EPRS1: variants seen among roughly 807,000 people sequenced by gnomAD.
EPRS1 encodes bifunctional glutamate/proline--tRNA ligase.
In EPRS1, 107 loss-of-function variants were observed where a neutral mutation model predicts 188.3. The observed-to-expected ratio is 0.57, with a 90% CI of 0.49 to 0.67. The LOEUF is 0.67. Ranked by LOEUF, EPRS1 falls within the 30% of genes least tolerant of loss-of-function variation. EPRS1 has a pLI of 0.00. For synonymous variants in EPRS1, 596 were observed against 593.1 expected, an observed-to-expected ratio of 1.00 and a Z score of -0.07; for missense variants, 1,577 against 1,802.2, an observed-to-expected ratio of 0.88 and a Z score of 2.26.
intron 28 of EPRS1, among the ~76,000 whole-genome samples, chr1:219,975,099 A>G (rs554656961): frequency 2.0e-5 from 3 of 152,332 alleles, no homozygotes; most frequent in African/African-American, 7.2e-5. Context: ...AAGAAAACTA[A>G]AAGGCATGAT....
chr1:219,979,996 T>A (rs868611544), intron 26 of EPRS1, 89 bp downstream of exon 26: 2 of 1,028,092 alleles, frequency 1.9e-6, no homozygotes, highest in East Asian at 4.9e-5. Flanking sequence ...TTTTTAAGAG[T>A]CTACTTCTGT....
intron 16 of EPRS1, among the ~76,000 whole-genome samples, chr1:220,002,460 G>A (rs1487586771): frequency 6.6e-6 from 1 of 152,132 alleles, no homozygotes; most frequent in Non-Finnish European, 1.5e-5. Context: ...ACTAGAAAGG[G>A]CGTTAGTGAA....
At chr1:220,025,826 G>A (rs558735708) in intron 6 of EPRS1, among the ~76,000 whole-genome samples, 5 of 147,184 alleles carry the variant, frequency 3.4e-5, no homozygotes, top group South Asian at 4.3e-4. Flanking sequence ...ACGGAATCTC[G>A]CTCTGTCGCC....
At chr1:220,022,081 A>C (rs1661887512) in intron 9 of EPRS1, among the ~76,000 whole-genome samples, 1 of 152,328 alleles carries the variant, frequency 6.6e-6, no homozygotes, top group Admixed American at 6.5e-5. Context: ...CAGTATACCT[A>C]ATCAATACAA....
chr1:219,978,636 T>G lies in EPRS1; in HGVS notation c.3993A>C (p.Arg1331=). The change falls in exon 28 of 32, where the codon CGA becomes CGC. Residue 1331 remains arginine, a synonymous_variant. Transcript: ENST00000366923. ...GGATGTTAACACTGAGTAATCGCCT[T>G]CGATAATCATTGCATTTTGCAATCA... ...EALIAKCNDY[R]RRLLSVNIRV... The G allele has an allele frequency of 6.2e-7, 1 of 1,612,922 alleles. No individual in the cohort carries two copies. The highest frequency in any genetic ancestry group is 8.5e-7 in the Non-Finnish European group (1 of 1,179,262).
intron 20 of EPRS1, among the ~76,000 whole-genome samples, chr1:219,985,482 T>G (rs1276559414): frequency 6.6e-6 from 1 of 152,128 alleles, no homozygotes; most frequent in Non-Finnish European, 1.5e-5. Flanking sequence ...AACCTCCACC[T>G]CCCAGGTTTA....
At chr1:220,032,240 AATTT>A in intron 5 of EPRS1, 143 bp downstream of exon 5, 2 of 389,082 alleles carry the variant, frequency 5.1e-6, no homozygotes, top group Non-Finnish European at 7.7e-6. Flanking sequence ...ACGCCCGGCT[AATTT>A]TTTTTTTTTT....
intron 12 of EPRS1, among the ~76,000 whole-genome samples, chr1:220,016,437 G>A (rs1256091028): frequency 6.6e-6 from 1 of 150,990 alleles, no homozygotes; most frequent in South Asian, 2.1e-4. Context: ...TTGAGACAGA[G>A]TCTCACCCTG....
rs1558270766 is a variant in EPRS1 at position 219,978,655 on chromosome 1, G to T, written c.3974C>A (p.Ala1325Glu). 2 of 1,612,258 alleles carry T rather than the reference G, an allele frequency of 1.2e-6. No homozygotes were observed. Among genetic ancestry groups the T allele is most frequent in the Non-Finnish European group, 1.7e-6 (2 of 1,178,930 alleles). ...TCGCCTTCGATAATCATTGCATTTT[G>T]CAATCAGCGCTTCTTTGTCTTCTTC... is the stretch of plus-strand genomic sequence containing the variant. Reference protein sequence around the residue: ...LSEEDKEALIAKCNDYRRRLL... With the variant: ...LSEEDKEALIEKCNDYRRRLL... Residue 1325 changes from alanine (A) to glutamate (E), a missense_variant, in exon 28 of 32, where the codon GCA becomes GAA. Ala to Glu is a moderately radical substitution (Grantham distance 107). Around this residue, in one of 3 missense-constraint regions of EPRS1, gnomAD observed 296 missense variants for 327.9 expected, o/e 0.90. Coordinates refer to ENST00000366923, the MANE Select transcript of EPRS1 (RefSeq NM_004446.3).
At chr1:219,972,581 C>T (rs1400035718) in intron 29 of EPRS1, among the ~76,000 whole-genome samples, 1 of 152,168 alleles carries the variant, frequency 6.6e-6, no homozygotes, top group African/African-American at 2.4e-5. Context: ...CAAACTGCAC[C>T]TCCATCCTCA....
intron 2 of EPRS1, among the ~76,000 whole-genome samples, chr1:220,039,505 C>T (rs992951167): frequency 6.9e-6 from 1 of 144,134 alleles, no homozygotes; most frequent in Admixed American, 7.2e-5. Flanking sequence ...AACAAGCATA[C>T]AACATTTAAT....
chr1:219,992,393 A>T (rs1201697485), intron 18 of EPRS1, among the ~76,000 whole-genome samples: 7 of 152,214 alleles, frequency 4.6e-5, no homozygotes. Flanking sequence ...ACAATTGTGA[A>T]TTATTTTTAT....
rs1296528967 is a variant in EPRS1, at chr1:220,018,581, G to C, written c.1435-73C>G. On this transcript the variant is annotated intron_variant, in intron 11 of 31. Coordinates refer to ENST00000366923, the MANE Select transcript of EPRS1 (RefSeq NM_004446.3). ...GAACTTTGCCTTTATTTCATGCTAA[G>C]CATGTTTAGAAAAAAAAAAAAAACT... is the stretch of plus-strand genomic sequence containing the variant. 5 of 779,052 alleles carry C rather than the reference G, an allele frequency of 6.4e-6. 1 individual carries two copies. Among genetic ancestry groups the C allele is most frequent in the South Asian group, 1.6e-5 (1 of 63,178 alleles). 48.3% of individuals were successfully genotyped at this position (779,052 alleles called of 1,614,324 possible).
Position 219,983,168 on chromosome 1 carries a change from TAA to T in EPRS1, c.3300+19_3300+20del. On this transcript the variant is annotated intron_variant, in intron 22 of 31. Coordinates refer to ENST00000366923, the MANE Select transcript of EPRS1 (RefSeq NM_004446.3). ...GTTTGTCAGAGAACATTGCAAAAAATAAAAAAGCAAGCTCACTTACCTCTGGG... is the reference window on the plus strand; with the variant it reads ...GTTTGTCAGAGAACATTGCAAAAAATAAAAGCAAGCTCACTTACCTCTGGG... 7 of 1,576,812 alleles carry T rather than the reference TAA, an allele frequency of 4.4e-6. No individual in the cohort carries two copies. The highest frequency in any genetic ancestry group is 6.0e-6 in the Non-Finnish European group (7 of 1,160,946).
At chr1:220,003,520 T>TAAGAAACG (rs1661399623) in intron 16 of EPRS1, among the ~76,000 whole-genome samples, 1 of 152,180 alleles carries the variant, frequency 6.6e-6, no homozygotes, top group Non-Finnish European at 1.5e-5. Context: ...TCTAAGAGTT[T>TAAGAAACG]TATAGTTTTT....
chr1:219,981,483 A>G (rs922642724), intron 23 of EPRS1, 26 bp from the exon 24 acceptor site: 4 of 1,476,518 alleles, frequency 2.7e-6, no homozygotes, highest in Middle Eastern at 1.7e-4. Flanking sequence ...AAATAGAGAC[A>G]GTCATTTAAG....
intron 16 of EPRS1, among the ~76,000 whole-genome samples, chr1:220,004,736 A>G (rs1661425618): frequency 1.3e-5 from 2 of 152,176 alleles, no homozygotes; most frequent in Non-Finnish European, 2.9e-5. Flanking sequence ...AGTTACAGAG[A>G]TATCACTTAA....
rs1465355666 is a variant in EPRS1, at chr1:220,025,262, A to C, written c.624-4T>G. 1 of 1,580,038 alleles carries C rather than the reference A, an allele frequency of 6.3e-7. No individual in the cohort carries two copies. The highest frequency in any genetic ancestry group is 8.6e-7 in the Non-Finnish European group (1 of 1,167,218). ...TGCATGCCCAATGTGTAAGTAACTA[A>C]AACAAAAACATTTCACAAAGAAACT... On this transcript the variant is annotated splice_polypyrimidine_tract_variant and splice_region_variant and intron_variant, in intron 6 of 31. Coordinates refer to ENST00000366923, the MANE Select transcript of EPRS1 (RefSeq NM_004446.3).
chr1:219,983,691 G>A (rs185744951), intron 21 of EPRS1, among the ~76,000 whole-genome samples: 24 of 152,144 alleles, frequency 1.6e-4, no homozygotes, highest in Admixed American at 3.9e-4. Flanking sequence ...TCAGGAGTTC[G>A]AGACCAGCCT....
Sources: gnomAD v4.1 joint callset for allele counts (sites outside exome capture counted in the v4.1 genomes callset) on GRCh38, gnomAD v4.1.1 for gene constraint, gnomAD v4.1.1 regional missense constraint, MANE v1.5 for transcripts, NCBI Gene and HGNC (gene_info 2026-07-23, HGNC 2026-07-21) for gene names.